ERCC6L2: variants seen among roughly 807,000 people sequenced by gnomAD.
The protein encoded by ERCC6L2 is ERCC excision repair 6 like 2, also known as DNA excision repair protein ERCC-6-like 2.
A neutral mutation model predicts 132.0 loss-of-function variants in ERCC6L2; 77 were observed. That is an observed-to-expected ratio of 0.58 (90% CI 0.49 to 0.71). The LOEUF (loss-of-function observed/expected upper bound fraction) is 0.71, where lower values mean the gene tolerates loss of function less well. Among genes scored for constraint, ERCC6L2 ranks in the 30% least tolerant of loss-of-function variants. The pLI is 0.00. For synonymous variants in ERCC6L2, 583 were observed against 632.4 expected (o/e 0.92, Z 1.17); for missense variants, 1,542 against 1,837.6 (o/e 0.84, Z 2.94).
intron 12 of ERCC6L2, among the ~76,000 whole-genome samples, chr9:95,952,054 G>C (rs1218149568): frequency 6.6e-6 from 1 of 151,246 alleles, no homozygotes; most frequent in Non-Finnish European, 1.5e-5. Context: ...TGTAATCCCA[G>C]CTACTCGGGA....
intron 14 of ERCC6L2, chr9:95,967,615 G>A (rs1034048245): frequency 6.6e-6 from 1 of 152,082 alleles, no homozygotes; most frequent in Non-Finnish European, 1.5e-5. Context: ...GGATGGCTGG[G>A]GGAGAGGAAG....
At chr9:95,938,628 AAT>A (rs1830663513) in intron 11 of ERCC6L2, among the ~76,000 whole-genome samples, 1 of 152,110 alleles carries the variant, frequency 6.6e-6, no homozygotes, top group African/African-American at 2.4e-5. Context: ...GACTAATATT[AAT>A]ATAGCCAGTC....
Position 95,881,252 on chromosome 9 carries a change from T to C in ERCC6L2, c.430T>C (p.Cys144Arg). Residue 144 changes from cysteine (C) to arginine (R), a missense_variant, in exon 2 of 19, where the codon TGC becomes CGC. Physicochemically the swap from Cys to Arg is radical, Grantham distance 180. Transcript: ENST00000653738. ...LYGHYIHGGG[C>R]ILGDDMGLGK... ...TGGACACTACATCCATGGAGGAGGG[T>C]GCATTCTGGGTGATGACATGGGACT... 6.3e-7 allele frequency: 1 copy of C among 1,580,878 alleles called. No homozygotes were observed. Among genetic ancestry groups the C allele is most frequent in the Non-Finnish European group, 8.5e-7 (1 of 1,170,432 alleles).
chr9:95,922,770 A>G (rs1406790293), intron 8 of ERCC6L2, among the ~76,000 whole-genome samples: 1 of 152,204 alleles, frequency 6.6e-6, no homozygotes, highest in Non-Finnish European at 1.5e-5. Flanking sequence ...ATGAGGATTT[A>G]TAATAATTTG....
chr9:95,989,350 C>T (rs568444961), intron 17 of ERCC6L2, among the ~76,000 whole-genome samples: 2 of 152,262 alleles, frequency 1.3e-5, no homozygotes, highest in South Asian at 4.1e-4. Context: ...CCTGAAGCTC[C>T]TAGGGGGCTG....
intron 2 of ERCC6L2, among the ~76,000 whole-genome samples, chr9:95,892,629 GCCAGGCTGGTCTCGGACTCCTGA>G (rs1281900150): frequency 6.6e-6 from 1 of 151,994 alleles, no homozygotes; most frequent in Non-Finnish European, 1.5e-5. Flanking sequence ...CACCATGTTG[GCCAGGCTGGTCTCGGACTCCTGA>G]CCTCAAGTGA....
intron 2 of ERCC6L2, among the ~76,000 whole-genome samples, chr9:95,881,631 T>C (rs1295734665): frequency 2.6e-5 from 4 of 152,256 alleles, no homozygotes; most frequent in Non-Finnish European, 5.9e-5. Flanking sequence ...CATTCTAACA[T>C]TTGTTATGCC....
intron 4 of ERCC6L2, among the ~76,000 whole-genome samples, chr9:95,908,370 G>C (rs570067775): frequency 6.6e-6 from 1 of 152,258 alleles, no homozygotes; most frequent in East Asian, 1.9e-4. Flanking sequence ...ACAGAGGAAG[G>C]GACTTGTGAG....
At chr9:95,882,797 A>G (rs1827661933) in intron 2 of ERCC6L2, among the ~76,000 whole-genome samples, 1 of 152,212 alleles carries the variant, frequency 6.6e-6, no homozygotes, top group South Asian at 2.1e-4. Context: ...TAGGCAGTGC[A>G]GATAGTTTAG....
rs372436741 is a variant in ERCC6L2, at chr9:95,973,062, C to T, written c.3311C>T (p.Ser1104Leu). Residue 1104 changes from serine (S) to leucine (L), a missense_variant, in exon 16 of 19, where the codon TCG becomes TTG. By Grantham distance (145) the Ser-to-Leu change is moderately radical. Around this residue, in one of 4 missense-constraint regions of ERCC6L2, gnomAD observed 442 missense variants for 583.4 expected, o/e 0.76. Coordinates refer to ENST00000653738, the MANE Select transcript of ERCC6L2 (RefSeq NM_020207.7). ...SNEKVVNQEQSYESMDKFLDG... is the reference protein window; with the variant it reads ...SNEKVVNQEQLYESMDKFLDG... ...GAGAAAGTTGTTAATCAAGAGCAGT[C>T]GTATGAATCAATGGATAAATTTTTA... The T allele has an allele frequency of 2.6e-5, 35 of 1,348,440 alleles. No individual in the cohort carries two copies. The highest frequency in any genetic ancestry group is 2.2e-4 in the Middle Eastern group (1 of 4,522). 83.5% of individuals were successfully genotyped at this position (1,348,440 alleles called of 1,614,324 possible). A position where few individuals can be genotyped will look rare whatever the true frequency, so the allele number is the denominator to read the frequency against.
intron 11 of ERCC6L2, among the ~76,000 whole-genome samples, chr9:95,935,746 G>A (rs1587935504): frequency 1.3e-5 from 2 of 152,074 alleles, no homozygotes; most frequent in African/African-American, 2.4e-5. Context: ...CTGCAGAGAC[G>A]GTAGGCCTGG....
chr9:95,933,580 C>T (rs1830433202), intron 11 of ERCC6L2, among the ~76,000 whole-genome samples: 1 of 152,136 alleles, frequency 6.6e-6, no homozygotes. Flanking sequence ...TGCAGTGGCT[C>T]ACGCGTGTAT....
At position 95,941,466 on chromosome 9, in the gene ERCC6L2, A is replaced by T. The variant is rs1419099817; in HGVS notation, c.1764A>T (p.Leu588=). 1 of 1,611,990 alleles carries T rather than the reference A, an allele frequency of 6.2e-7. No individual in the cohort carries two copies. Among genetic ancestry groups the T allele is most frequent in the South Asian group, 1.1e-5 (1 of 90,956 alleles). The part of the protein sequence containing the change: ...ICLVSTMAGG[L]GLNFVGANVV... ...CTCTTTCCTCCAGGGCTGGTGGACT[A>T]GGCCTCAATTTTGTCGGTGCCAATG... is the stretch of plus-strand genomic sequence containing the variant. Residue 588 remains leucine, a synonymous_variant, in exon 12 of 19, where the codon CTA becomes CTT. Transcript: ENST00000653738.
chr9:95,907,514 A>AT (rs1352511450), intron 4 of ERCC6L2, among the ~76,000 whole-genome samples: 1 of 151,730 alleles, frequency 6.6e-6, no homozygotes, highest in African/African-American at 2.4e-5. Flanking sequence ...CTATATTGTG[A>AT]TTTTTTAAAA....
chr9:95,963,293 C>G (rs1245787754), intron 13 of ERCC6L2, among the ~76,000 whole-genome samples: 4 of 151,984 alleles, frequency 2.6e-5, no homozygotes, highest in African/African-American at 9.7e-5. Flanking sequence ...TACACACTTG[C>G]TTTCTCTTTG....
chr9:95,982,221 G>T (rs1024522453), intron 17 of ERCC6L2, among the ~76,000 whole-genome samples: 1 of 152,130 alleles, frequency 6.6e-6, no homozygotes, highest in Non-Finnish European at 1.5e-5. Flanking sequence ...GGGAGGTAGC[G>T]TGGGGGAGTG....
At position 95,928,651 on chromosome 9, in the gene ERCC6L2, A is replaced by G. The variant is rs897553691; in HGVS notation, c.1606-68A>G. 4 of 1,378,662 alleles carry G rather than the reference A, an allele frequency of 2.9e-6. No individual in the cohort carries two copies. The African/African-American group carries it at 4.5e-5, about 15-fold the overall frequency. The allele number at this position is 1,378,662 out of a possible 1,614,324, so 85.4% of individuals were successfully genotyped here. A position where few individuals can be genotyped will look rare whatever the true frequency, so the allele number is the denominator to read the frequency against. On this transcript the variant is annotated intron_variant, in intron 10 of 18. Transcript: ENST00000653738. ...AATAATTAATACTTAACAAGTCTCA[A>G]CTTTGTAATGGTCTGAAACTTACTT... is the stretch of plus-strand genomic sequence containing the variant.
In ERCC6L2 at chr9:95,898,010, T is replaced by C. The variant is rs768995622; in HGVS notation, c.594+39T>C. 2.0e-6 allele frequency: 3 copies of C among 1,537,478 alleles called. No homozygotes were observed. The South Asian group carries it at 3.7e-5, about 19-fold the overall frequency. On this transcript the variant is annotated intron_variant, in intron 3 of 18. Transcript: ENST00000653738. The stretch of plus-strand genomic sequence containing the variant: ...ACAATGTATATTCTACTCATGATGC[T>C]GGTATTACAAAAGCATATAGAAATA...
chr9:96,021,230 G>A (rs1834282907), downstream of ERCC6L2: 3 of 349,862 alleles, frequency 8.6e-6, no homozygotes, highest in South Asian at 4.2e-5. This position sits in a 1 kb window ranked among gnomAD's most constrained non-coding sequence, Gnocchi z 4.7. Flanking sequence ...CCCACAACTC[G>A]AGCTGGGAGC....
Sources: gnomAD v4.1 joint callset for allele counts (sites outside exome capture counted in the v4.1 genomes callset) on GRCh38, gnomAD v4.1.1 for gene constraint, gnomAD v4.1.1 regional missense constraint, Gnocchi (gnomAD v3.1) non-coding constraint, MANE v1.5 for transcripts, NCBI Gene and HGNC (gene_info 2026-07-23, HGNC 2026-07-21) for gene names.